The following MICAL3 variants were observed in gnomAD, a reference collection of about 807,000 sequenced individuals.
MICAL3 encodes microtubule associated monooxygenase, calponin and LIM domain containing 3.
Under a neutral mutation model 207.4 loss-of-function variants are expected in MICAL3, and 62 were observed. The observed-to-expected ratio is 0.30, with a 90% CI of 0.24 to 0.37. The LOEUF is 0.37. MICAL3 is among the 10% of genes least tolerant of loss of function. The pLI, the probability that MICAL3 is intolerant of heterozygous loss-of-function variation, is 1.00. For synonymous variants in MICAL3, 1,077 were observed against 1,069.3 expected, an observed-to-expected ratio of 1.01 and a Z score of -0.14; for missense variants, 2,368 against 2,635.6, an observed-to-expected ratio of 0.90 and a Z score of 2.22.
In MICAL3 at chr22:17,889,233, GAGAAAC is replaced by G. The variant is rs1361697847; in HGVS notation, c.1695-9_1695-4del. 5 of 1,606,704 alleles carry G rather than the reference GAGAAAC, an allele frequency of 3.1e-6. No individual in the cohort carries two copies. Among genetic ancestry groups the G allele is most frequent in the Non-Finnish European group, 4.3e-6 (5 of 1,173,612 alleles). On this transcript the variant is annotated splice_polypyrimidine_tract_variant and splice_region_variant and intron_variant, in intron 12 of 31. Coordinates refer to ENST00000441493, the MANE Select transcript of MICAL3 (RefSeq NM_015241.3). ...GCTCATCCAAAGAATCAAAATCTCT[GAGAAAC>G]AGGACAAGGAAAACATATCAAGATA...
rs775313150 is a variant in MICAL3, at chr22:17,895,428, T to C, written c.1323-18A>G. On this transcript the variant is annotated intron_variant, in intron 9 of 31. Transcript: ENST00000441493. ...TACTTTCCCTGCAATAACACAACAA[T>C]ATACTCAGAATCGGGACCAGCACCA... is the stretch of plus-strand genomic sequence containing the variant. 9.3e-6 allele frequency: 15 copies of C among 1,612,776 alleles called. No homozygotes were observed. The highest frequency in any genetic ancestry group is 1.7e-5 in the Admixed American group (1 of 59,942).
intron 19 of MICAL3, 96 bp downstream of exon 19, chr22:17,864,803 A>T (rs1926898979): frequency 1.2e-6 from 2 of 1,613,808 alleles, no homozygotes; most frequent in Admixed American, 1.7e-5. Flanking sequence ...CCGAATGAAG[A>T]AATGTTGCTT....
intron 27 of MICAL3, among the ~76,000 whole-genome samples, chr22:17,816,399 A>G (rs1921006997): frequency 6.6e-6 from 1 of 152,218 alleles, no homozygotes. Flanking sequence ...AGACAATGCC[A>G]GGCTGCCTCC....
In MICAL3 at chr22:17,821,450, G is replaced by C; in HGVS notation, c.3508C>G (p.Pro1170Ala). The part of the protein sequence containing the change: ...SPQESALLFI[P>A]VHSPSTEGPQ... ...ACCTCTGTTGAGGGGCTGTGGACTG[G>C]AATGAACAGAAGAGCTGATTCCTGG... The change falls in exon 25 of 32, where the codon CCA becomes GCA. Residue 1170 changes from proline (P) to alanine (A), a missense_variant. Physicochemically the swap from Pro to Ala is conservative, Grantham distance 27. Transcript: ENST00000441493. 1 of 1,545,542 alleles carries C rather than the reference G, an allele frequency of 6.5e-7. No individual in the cohort carries two copies. The highest frequency in any genetic ancestry group is 8.7e-7 in the Non-Finnish European group (1 of 1,145,480).
intron 13 of MICAL3, among the ~76,000 whole-genome samples, chr22:17,888,465 G>T (rs1345614046): frequency 6.6e-6 from 1 of 152,188 alleles, no homozygotes; most frequent in East Asian, 1.9e-4. Flanking sequence ...ACAGTGACAG[G>T]AGAAAGAAGG....
chr22:17,987,623 G>C (rs142907611), intron 1 of MICAL3, among the ~76,000 whole-genome samples: 6 of 152,222 alleles, frequency 3.9e-5, no homozygotes, highest in African/African-American at 1.4e-4. Flanking sequence ...ACCTATGGCA[G>C]GTACTCCGAG....
chr22:17,952,893 A>G (rs963484021), intron 1 of MICAL3, among the ~76,000 whole-genome samples: 2 of 152,198 alleles, frequency 1.3e-5, no homozygotes, highest in Admixed American at 1.3e-4. Flanking sequence ...AAAGAAGACA[A>G]CACCCACCTC....
At chr22:17,896,677 A>G in intron 8 of MICAL3, 47 bp downstream of exon 8, 1 of 1,587,888 alleles carries the variant, frequency 6.3e-7, no homozygotes, top group Non-Finnish European at 8.6e-7. Context: ...ATTCACTCCT[A>G]ATTATTCCTG....
At chr22:17,924,356 C>A (rs1355290042) in intron 1 of MICAL3, among the ~76,000 whole-genome samples, 1 of 152,140 alleles carries the variant, frequency 6.6e-6, no homozygotes, top group African/African-American at 2.4e-5. Flanking sequence ...AGTTCAGGTA[C>A]AGATTAAATA....
intron 18 of MICAL3, 86 bp from the exon 19 acceptor site, chr22:17,865,072 C>T (rs1329079777): frequency 3.2e-5 from 35 of 1,109,848 alleles, no homozygotes; most frequent in African/African-American, 1.5e-4. Context: ...CAATCTGACA[C>T]GCTGGTTTTA....
In MICAL3 at chr22:17,841,954, C is replaced by T. The variant is rs1476892354; in HGVS notation, c.2669G>A (p.Arg890Gln). 10 of 1,606,666 alleles carry T rather than the reference C, an allele frequency of 6.2e-6. No homozygotes were observed. Among genetic ancestry groups the T allele is most frequent in the Admixed American group, 1.7e-5 (1 of 59,716 alleles). The change falls in exon 20 of 32, where the codon CGG (arginine) becomes CAG (glutamine). Residue 890 changes from arginine (R) to glutamine (Q), a missense_variant. Arg to Gln is a conservative substitution (Grantham distance 43). Transcript: ENST00000441493. This position sits in a 1 kb window ranked among gnomAD's most constrained non-coding sequence, Gnocchi z 4.2. ...IAKRLRGTPE[R>Q]IELENYRLSL... ...CAGGCGGTAGTTCTCCAGCTCGATC[C>T]GCTCTGGGGTGCCCCTCAGTCGCTT...
chr22:17,821,561 G>A, intron 24 of MICAL3, 52 bp from the exon 25 acceptor site: 3 of 1,439,230 alleles, frequency 2.1e-6, no homozygotes, highest in Middle Eastern at 2.0e-4. Flanking sequence ...CCATGTGCCA[G>A]GAAGGCACCC....
At chr22:18,013,596 C>T (rs888869176) in intron 1 of MICAL3, among the ~76,000 whole-genome samples, 3 of 152,126 alleles carry the variant, frequency 2.0e-5, no homozygotes, top group Non-Finnish European at 2.9e-5. Flanking sequence ...GTAGCAATGC[C>T]GAAGCCACAG....
chr22:17,799,193 G>A (rs974971098), intron 29 of MICAL3, among the ~76,000 whole-genome samples: 3 of 151,604 alleles, frequency 2.0e-5, no homozygotes, highest in African/African-American at 7.3e-5. Context: ...GACCAGGCTG[G>A]CCAACATGGT....
rs1291933112 is a variant in MICAL3 at position 17,906,744 on chromosome 22, G to A, written c.69C>T (p.Thr23=). Residue 23 remains threonine (T), a synonymous_variant, in exon 2 of 32, where the codon ACC becomes ACT. Transcript: ENST00000441493. ...AAGCCTTGAGGGTTCCCTTGCAGGT[G>A]GTGGCCTGGACAAACCGGTCAAAGA... ...HVLFDRFVQA[T]TCKGTLKAFQ... is the part of the protein sequence containing the mutation. 1.2e-6 allele frequency: 2 copies of A among 1,613,736 alleles called. No individual in the cohort carries two copies. Among genetic ancestry groups the A allele is most frequent in the African/African-American group, 2.7e-5 (2 of 74,874 alleles).
At chr22:17,915,531 T>G (rs917312272) in intron 1 of MICAL3, among the ~76,000 whole-genome samples, 1 of 152,230 alleles carries the variant, frequency 6.6e-6, no homozygotes, top group Non-Finnish European at 1.5e-5. Flanking sequence ...GGGCAGAGCC[T>G]GCAGCTAAGG....
intron 1 of MICAL3, among the ~76,000 whole-genome samples, chr22:17,984,240 A>G (rs1199144099): frequency 6.6e-6 from 1 of 152,182 alleles, no homozygotes; most frequent in Non-Finnish European, 1.5e-5. Context: ...CACTGCCCTG[A>G]GAGCCAGTTC....
Position 17,877,511 on chromosome 22 carries a change from TAGGGAGGTTAGGGAGGTG to T in MICAL3, c.2242-5506_2242-5489del, listed in dbSNP as rs1569110711. Among the ~76,000 whole-genome samples, 310 of 62,088 alleles carry T rather than the reference TAGGGAGGTTAGGGAGGTG, an allele frequency of 5.0e-3. 8 individuals carry two copies. The highest frequency in any genetic ancestry group is 9.2e-3 in the Admixed American group (58 of 6,328). The allele number at this position is 62,088 out of a possible 152,430, so 40.7% of individuals were successfully genotyped here. On this transcript the variant is annotated intron_variant, in intron 16 of 31. Coordinates refer to ENST00000441493, the MANE Select transcript of MICAL3 (RefSeq NM_015241.3). ...TGGAGGTTAGGGAGGTTATGGAGGT[TAGGGAGGTTAGGGAGGTG>T]AGGGAGGTTATGGAGGTGAGGGAGG...
At chr22:17,986,920 A>C (rs1374833086) in intron 1 of MICAL3, among the ~76,000 whole-genome samples, 3 of 152,162 alleles carry the variant, frequency 2.0e-5, no homozygotes, top group African/African-American at 7.2e-5. Context: ...TTTCTAGAGT[A>C]AGCATACAAA....
Sources: gnomAD v4.1 joint callset for allele counts (sites outside exome capture counted in the v4.1 genomes callset) on GRCh38, gnomAD v4.1.1 for gene constraint, Gnocchi (gnomAD v3.1) non-coding constraint, MANE v1.5 for transcripts, NCBI Gene and HGNC (gene_info 2026-07-23, HGNC 2026-07-21) for gene names.